Variants in ABCC3 observed in about 807,000 individuals in gnomAD.
ABCC3 encodes ATP-binding cassette sub-family C member 3.
Under a neutral mutation model 165.3 loss-of-function variants are expected in ABCC3, and 121 were observed. The observed-to-expected ratio is 0.73, with a 90% CI of 0.63 to 0.85. ABCC3 has a LOEUF of 0.85. ABCC3 is among the 40% of genes least tolerant of loss of function. ABCC3 has a pLI of 0.00. For missense variants in ABCC3, 1,869 were observed against 1,964.1 expected, an observed-to-expected ratio of 0.95 and a Z score of 0.92; for synonymous variants, 733 against 810.1, an observed-to-expected ratio of 0.90 and a Z score of 1.62.
intron 1 of ABCC3, among the ~76,000 whole-genome samples, chr17:50,640,414 G>A (rs530633550): frequency 6.6e-6 from 1 of 152,228 alleles, no homozygotes; most frequent in African/African-American, 2.4e-5. Flanking sequence ...GGAGCTCAGT[G>A]AACCAAAGCC....
chr17:50,640,144 G>T (rs1030345507), intron 1 of ABCC3, among the ~76,000 whole-genome samples: 1 of 152,194 alleles, frequency 6.6e-6, no homozygotes, highest in Admixed American at 6.5e-5. Flanking sequence ...GGTGTTAGCC[G>T]CTCTGCTCCC....
chr17:50,655,818 C>T lies in ABCC3; in HGVS notation c.46-14C>T, dbSNP rs1967227131. On this transcript the variant is annotated splice_polypyrimidine_tract_variant and intron_variant, in intron 1 of 30. Coordinates refer to ENST00000285238, the MANE Select transcript of ABCC3 (RefSeq NM_003786.4). Reference sequence around the variant, plus strand: ...GGGGCTGCCACAGCACTAAACTGTTCTCTGTGTCCCCAGGACTCCAACCTG... The same window carrying T: ...GGGGCTGCCACAGCACTAAACTGTTTTCTGTGTCCCCAGGACTCCAACCTG... 11 of 1,613,152 alleles carry T rather than the reference C, an allele frequency of 6.8e-6. No individual in the cohort carries two copies. In the East Asian group the frequency reaches 2.0e-4, roughly 29 times the overall value.
At chr17:50,668,235 G>A (rs557430965) in intron 13 of ABCC3, among the ~76,000 whole-genome samples, 195 bp from the exon 14 acceptor site, 2 of 152,300 alleles carry the variant, frequency 1.3e-5, no homozygotes, top group African/African-American at 4.8e-5. Flanking sequence ...TCTGTAGATA[G>A]CCTCCTCTTA....
chr17:50,673,844 T>A (rs1268110320), intron 19 of ABCC3, among the ~76,000 whole-genome samples, 186 bp downstream of exon 19: 3 of 151,842 alleles, frequency 2.0e-5, no homozygotes, highest in Non-Finnish European at 4.4e-5. Flanking sequence ...GCCTCCTCCA[T>A]CCTACTCTAC....
At chr17:50,656,521 G>T (rs182765656) in intron 2 of ABCC3, among the ~76,000 whole-genome samples, 181 bp from the exon 3 acceptor site, 3 of 152,362 alleles carry the variant, frequency 2.0e-5, no homozygotes, top group Admixed American at 2.0e-4. Flanking sequence ...GAAAGTTTAA[G>T]TAAGTTCAGC....
intron 19 of ABCC3, among the ~76,000 whole-genome samples, chr17:50,673,980 C>CTTTCTTTCTTTTTCTTTCTTTCTT (rs1967725765): frequency 1.1e-4 from 1 of 9,414 alleles, no homozygotes; most frequent in African/African-American, 6.3e-4. Context: ...TTCTTTCTTT[C>CTTTCTTTCTTTTTCTTTCTTTCTT]TCTCTCTCTC....
At chr17:50,669,948 AC>A (rs950820369) in intron 17 of ABCC3, among the ~76,000 whole-genome samples, 3 of 151,794 alleles carry the variant, frequency 2.0e-5, no homozygotes, top group Admixed American at 6.6e-5. Context: ...GGCACATGCC[AC>A]CATACCCAGC....
At chr17:50,683,006 C>A (rs1281832577) in intron 26 of ABCC3, among the ~76,000 whole-genome samples, 1 of 152,082 alleles carries the variant, frequency 6.6e-6, no homozygotes, top group African/African-American at 2.4e-5. Context: ...GAGTTCGAGA[C>A]CAGCCTGGTC....
Position 50,676,288 on chromosome 17 carries a change from G to A in ABCC3, c.3078G>A (p.Val1026=), listed in dbSNP as rs1967805621. 6.2e-7 allele frequency: 1 copy of A among 1,612,336 alleles called. No homozygotes were observed. Among genetic ancestry groups the A allele is most frequent in the Non-Finnish European group, 8.5e-7 (1 of 1,178,998 alleles). The change falls in exon 23 of 31, where the codon GTG becomes GTA. Residue 1026 remains valine, a synonymous_variant. Coordinates refer to ENST00000285238, the MANE Select transcript of ABCC3 (RefSeq NM_003786.4). ...AALGILQGFL[V]MLAAMAMAAG... is the part of the protein sequence containing the mutation. ...TGCCTTCTCCAACAGGGTTCTTGGTGATGCTGGCAGCCATGGCCATGGCAG... is the reference window on the plus strand; with the variant it reads ...TGCCTTCTCCAACAGGGTTCTTGGTAATGCTGGCAGCCATGGCCATGGCAG...
intron 1 of ABCC3, among the ~76,000 whole-genome samples, chr17:50,645,545 G>A (rs1465687636): frequency 6.6e-6 from 1 of 152,096 alleles, no homozygotes; most frequent in Non-Finnish European, 1.5e-5. Flanking sequence ...AAAGTTTAAA[G>A]GGATGGTATA....
chr17:50,661,060 C>G lies in ABCC3; in HGVS notation c.944C>G (p.Ala315Gly). ...TTCGGCTCCAGCTTCCTCATCAGTGCCTGCTTCAAGCTTATCCAGGACCTG... is the reference window on the plus strand; with the variant it reads ...TTCGGCTCCAGCTTCCTCATCAGTGGCTGCTTCAAGCTTATCCAGGACCTG... ...ATFGSSFLIS[A>G]CFKLIQDLLS... The change falls in exon 8 of 31, where the codon GCC becomes GGC. Residue 315 changes from alanine to glycine, a missense_variant. Coordinates refer to ENST00000285238, the MANE Select transcript of ABCC3 (RefSeq NM_003786.4). 1.9e-6 allele frequency: 3 copies of G among 1,614,200 alleles called. No individual in the cohort carries two copies. The highest frequency in any genetic ancestry group is 2.5e-6 in the Non-Finnish European group (3 of 1,180,024).
chr17:50,684,656 G>A, intron 28 of ABCC3, 53 bp from the exon 29 acceptor site: 1 of 1,565,888 alleles, frequency 6.4e-7, no homozygotes, highest in East Asian at 2.3e-5. Flanking sequence ...TGGGGCCTAT[G>A]GCTCCTCATA....
chr17:50,656,413 G>A (rs925408268), intron 2 of ABCC3, among the ~76,000 whole-genome samples: 1 of 152,190 alleles, frequency 6.6e-6, no homozygotes, highest in South Asian at 2.1e-4. Flanking sequence ...CCACCTCCTC[G>A]GCTGGACTGG....
chr17:50,678,314 A>G (rs1967868607), intron 25 of ABCC3, 95 bp downstream of exon 25: 4 of 1,334,082 alleles, frequency 3.0e-6, no homozygotes, highest in Non-Finnish European at 3.9e-6. Flanking sequence ...CCTGCTCAGT[A>G]TGGGCACCAG....
intron 4 of ABCC3, 58 bp from the exon 5 acceptor site, chr17:50,658,024 G>A: frequency 6.2e-7 from 1 of 1,611,882 alleles, no homozygotes; most frequent in Non-Finnish European, 8.5e-7. Context: ...CCGCAGGGCA[G>A]GGGCTGCAGG....
At chr17:50,653,366 AAAAG>A (rs1307152224) in intron 1 of ABCC3, among the ~76,000 whole-genome samples, 2 of 151,694 alleles carry the variant, frequency 1.3e-5, no homozygotes, top group South Asian at 2.1e-4. Context: ...AAAAAAAAGA[AAAAG>A]AAAAAGAAAA....
chr17:50,651,033 C>A (rs1452475519), intron 1 of ABCC3, among the ~76,000 whole-genome samples: 1 of 135,266 alleles, frequency 7.4e-6, no homozygotes, highest in Non-Finnish European at 1.5e-5. Context: ...CCACTGCACT[C>A]CAGCCTGGGT....
At chr17:50,681,147 T>C (rs1967920707) in intron 26 of ABCC3, among the ~76,000 whole-genome samples, 1 of 151,834 alleles carries the variant, frequency 6.6e-6, no homozygotes, top group Admixed American at 6.6e-5. Flanking sequence ...CGGCTGCATG[T>C]TCCTGCTTTG....
At chr17:50,669,908 G>A (rs191339177) in intron 17 of ABCC3, among the ~76,000 whole-genome samples, 2 of 151,954 alleles carry the variant, frequency 1.3e-5, no homozygotes, top group Non-Finnish European at 2.9e-5. Flanking sequence ...TGATCCTCTC[G>A]CCTCAGCCTC....
Sources: gnomAD v4.1 joint callset for allele counts (sites outside exome capture counted in the v4.1 genomes callset) on GRCh38, gnomAD v4.1.1 for gene constraint, MANE v1.5 for transcripts, NCBI Gene and HGNC (gene_info 2026-07-23, HGNC 2026-07-21) for gene names.